TNS1: variants seen among roughly 807,000 people sequenced by gnomAD.
TNS1 encodes the protein tensin 1, also known as tensin-1.
Under a neutral mutation model 168.6 loss-of-function variants are expected in TNS1, and 62 were observed. The ratio of observed to expected loss-of-function variants is 0.37; its 90% CI spans 0.30 to 0.45. The LOEUF is 0.45. Among genes scored for constraint, TNS1 ranks in the 20% least tolerant of loss-of-function variants. The pLI, the probability that TNS1 is intolerant of heterozygous loss-of-function variation, is 1.00. For synonymous variants in TNS1, 934 were observed against 933.2 expected (o/e 1.00, Z -0.02); for missense variants, 2,240 against 2,339.4 (o/e 0.96, Z 0.88).
At position 217,834,185 on chromosome 2, in the gene TNS1, T is replaced by C. The variant is rs373292698; in HGVS notation, c.3280+906A>G. ...AGATGGCAGCCAACACAAGTTCTGT[T>C]GGCACAGGGGCCACGTACATTGCCA... is the stretch of plus-strand genomic sequence containing the variant. On this transcript the variant is annotated intron_variant, in intron 21 of 32. Transcript: ENST00000682258. Among the ~76,000 whole-genome samples the C allele has an allele frequency of 3.9e-5, 6 of 152,204 alleles. No homozygotes were observed. The East Asian group carries it at 5.8e-4, about 15-fold the overall frequency.
chr2:217,824,565 C>CCTG (rs1195024365), intron 22 of TNS1, among the ~76,000 whole-genome samples: 1 of 152,230 alleles, frequency 6.6e-6, no homozygotes, highest in Non-Finnish European at 1.5e-5. Context: ...CTGGCCCCAA[C>CCTG]CTGCCCTTAC....
At chr2:217,950,876 C>T (rs1957224172) in intron 3 of TNS1, among the ~76,000 whole-genome samples, 1 of 151,942 alleles carries the variant, frequency 6.6e-6, no homozygotes, top group Admixed American at 6.6e-5. Flanking sequence ...TCCCCGAGCC[C>T]ATCCTCCAGG....
At chr2:217,899,485 G>A (rs1286665963) in intron 7 of TNS1, among the ~76,000 whole-genome samples, 1 of 152,156 alleles carries the variant, frequency 6.6e-6, no homozygotes, top group African/African-American at 2.4e-5. Flanking sequence ...CTAACTTGCA[G>A]CATCCCCTCC....
upstream of TNS1, chr2:218,010,462 C>A: frequency 2.9e-6 from 1 of 347,688 alleles, no homozygotes; most frequent in East Asian, 4.2e-5. Context: ...CAGCAGGGGG[C>A]TTACACCCTC....
At chr2:218,025,079 G>T (rs1958839874) in intron 1 of TNS1, among the ~76,000 whole-genome samples, 1 of 152,122 alleles carries the variant, frequency 6.6e-6, no homozygotes, top group African/African-American at 2.4e-5. Flanking sequence ...CCTCCTTCTA[G>T]GTGCTTGGGT....
At chr2:218,013,440 C>T (rs142523520), upstream of TNS1, among the ~76,000 whole-genome samples, 418 of 152,218 alleles carry the variant, frequency 2.7e-3, 2 homozygotes, top group African/African-American at 9.9e-3. Flanking sequence ...GAAGCCTGGG[C>T]AGGTTCTGGG....
Position 218,032,501 on chromosome 2 carries a change from G to C in TNS1, c.156+1319C>G, listed in dbSNP as rs1040320854. Among the ~76,000 whole-genome samples, 1 of 152,198 alleles carries C rather than the reference G, an allele frequency of 6.6e-6. No individual in the cohort carries two copies. The highest frequency in any genetic ancestry group is 2.4e-5 in the African/African-American group (1 of 41,442). ...AAAGAGAGATGCTGGGCCTACGGCA[G>C]GGCCTGGGGCAGGAATGGGGGGTGT... On this transcript the variant is annotated intron_variant, in intron 1 of 1. Transcript: ENST00000649572. The surrounding 1 kb of genome is among the most constrained non-coding windows in gnomAD (Gnocchi z 4.0).
At chr2:217,904,571 G>A (rs1953431006) in intron 6 of TNS1, among the ~76,000 whole-genome samples, 1 of 152,054 alleles carries the variant, frequency 6.6e-6, no homozygotes, top group African/African-American at 2.4e-5. Context: ...TCCTCCCATA[G>A]CCAGACAAGA....
chr2:217,897,752 G>A (rs767266644), intron 8 of TNS1, 46 bp downstream of exon 8: 56 of 1,516,878 alleles, frequency 3.7e-5, no homozygotes, highest in Non-Finnish European at 4.9e-5. Flanking sequence ...TGAGCAGATG[G>A]AAGCATAGAG....
intron 12 of TNS1, among the ~76,000 whole-genome samples, chr2:217,890,030 C>G (rs1170954734): frequency 6.6e-6 from 1 of 152,238 alleles, no homozygotes; most frequent in African/African-American, 2.4e-5. Flanking sequence ...CTGCCCTAGC[C>G]CAGGCATTAC....
intron 1 of TNS1, among the ~76,000 whole-genome samples, chr2:217,998,842 T>G (rs753623246): frequency 6.6e-6 from 1 of 151,562 alleles, no homozygotes; most frequent in South Asian, 2.1e-4. Flanking sequence ...TCCCGAGGAG[T>G]CTTTCCTGAC....
intron 1 of TNS1, among the ~76,000 whole-genome samples, chr2:218,019,511 GC>G (rs1258781688): frequency 6.6e-6 from 1 of 152,160 alleles, no homozygotes; most frequent in African/African-American, 2.4e-5. Context: ...TTCCCTCCAG[GC>G]TTGGGCACCA....
At chr2:217,994,716 C>T (rs901896650) in intron 1 of TNS1, among the ~76,000 whole-genome samples, 3 of 152,196 alleles carry the variant, frequency 2.0e-5, no homozygotes, top group African/African-American at 7.2e-5. Context: ...CAGCCCAGCC[C>T]CAAGAAATCT....
At position 217,848,192 on chromosome 2, in the gene TNS1, C is replaced by CTGCTG. The variant is rs1553563021; in HGVS notation, c.2324_2325insCAGCA (p.Trp775CysfsTer29). 6.2e-7 allele frequency: 1 copy of CTGCTG among 1,603,474 alleles called. No homozygotes were observed. The highest frequency in any genetic ancestry group is 1.1e-5 in the South Asian group (1 of 88,882). On this transcript the variant is annotated frameshift_variant, in exon 19 of 33. Transcript: ENST00000682258. LOFTEE classifies it high-confidence loss of function. ...GCTGCTGCTGCTGCTGCTGCTGCTG[C>CTGCTG]CACGAATTCAGTCCCCTTTGCACAG...
chr2:218,027,560 A>G (rs904075702), intron 1 of TNS1, among the ~76,000 whole-genome samples: 4 of 152,048 alleles, frequency 2.6e-5, no homozygotes, highest in African/African-American at 9.7e-5. Flanking sequence ...CCCAAGCAGA[A>G]CAGGTCAGTC....
chr2:217,934,744 C>T (rs1027433034), intron 3 of TNS1, among the ~76,000 whole-genome samples: 8 of 152,182 alleles, frequency 5.3e-5, no homozygotes, highest in Non-Finnish European at 1.5e-5. Flanking sequence ...GGGCAAAGAA[C>T]GTTCCAATTC....
At chr2:217,900,540 T>G (rs777352563) in intron 6 of TNS1, 28 bp from the exon 7 acceptor site, 10 of 1,534,866 alleles carry the variant, frequency 6.5e-6, no homozygotes, top group Non-Finnish European at 8.7e-6. Context: ...GAAGCAGCAT[T>G]ATGCAGGGGT....
intron 23 of TNS1, among the ~76,000 whole-genome samples, chr2:217,820,249 G>GA (rs1942615473): frequency 6.6e-6 from 1 of 152,170 alleles, no homozygotes; most frequent in African/African-American, 2.4e-5. Context: ...ATTTGAGTGA[G>GA]AAACAATGAA....
At chr2:217,930,632 G>A (rs566277766) in intron 3 of TNS1, among the ~76,000 whole-genome samples, 7 of 152,318 alleles carry the variant, frequency 4.6e-5, no homozygotes. Flanking sequence ...CTCTGAGCTG[G>A]TCAGGGAGCA....
Sources: allele counts gnomAD v4.1 joint callset (sites outside exome capture counted in the v4.1 genomes callset), GRCh38; gene constraint gnomAD v4.1.1; non-coding constraint Gnocchi (gnomAD v3.1); transcripts MANE v1.5; gene names NCBI Gene and HGNC (gene_info 2026-07-23, HGNC 2026-07-21).